The following CEP112 variants were observed in gnomAD, a reference collection of about 807,000 sequenced individuals.
The protein encoded by CEP112 is centrosomal protein of 112 kDa.
In CEP112, 127 loss-of-function variants were observed where a neutral mutation model predicts 153.0. The ratio of observed to expected loss-of-function variants is 0.83; its 90% confidence interval spans 0.72 to 0.96. CEP112 has a LOEUF of 0.96. Ranked by LOEUF, CEP112 falls within the 40% of genes least tolerant of loss-of-function variation. CEP112 has a pLI of 0.00. For missense variants in CEP112, 1,089 were observed against 1,101.2 expected, an observed-to-expected ratio of 0.99 and a Z score of 0.16; for synonymous variants, 358 against 374.4, an observed-to-expected ratio of 0.96 and a Z score of 0.51.
chr17:65,892,072 A>G (rs1322154105), intron 20 of CEP112, among the ~76,000 whole-genome samples: 1 of 152,214 alleles, frequency 6.6e-6, no homozygotes, highest in Middle Eastern at 3.2e-3. Context: ...AGAGCAGAGT[A>G]CTGGTCTATC....
At position 66,129,735 on chromosome 17, in the gene CEP112, CT is replaced by C. The variant is rs748907638; in HGVS notation, c.642+10del. ...CATCTATATATACATAAAGCAAATA[CT>C]TTTTTTTACCCCAAGATTCCAACTA... On this transcript the variant is annotated intron_variant, in intron 6 of 26. Coordinates refer to ENST00000535342, the MANE Select transcript of CEP112 (RefSeq NM_001199165.4). 7.0e-5 allele frequency: 110 copies of C among 1,579,048 alleles called. No homozygotes were observed. Among genetic ancestry groups the C allele is most frequent in the Middle Eastern group, 1.7e-4 (1 of 5,988 alleles).
At chr17:65,810,979 G>A (rs2055915128) in intron 21 of CEP112, among the ~76,000 whole-genome samples, 3 of 152,146 alleles carry the variant, frequency 2.0e-5, no homozygotes, top group South Asian at 2.1e-4. Context: ...CAGTGAAATC[G>A]AGGTCATCAT....
intron 24 of CEP112, among the ~76,000 whole-genome samples, chr17:65,687,442 AG>A (rs1305334195): frequency 6.6e-6 from 1 of 152,112 alleles, no homozygotes; most frequent in Non-Finnish European, 1.5e-5. Flanking sequence ...TTGGGATTAC[AG>A]GTGTGAGCCA....
chr17:66,058,181 C>A (rs1306036680), intron 11 of CEP112, among the ~76,000 whole-genome samples: 1 of 151,714 alleles, frequency 6.6e-6, no homozygotes, highest in Non-Finnish European at 1.5e-5. Context: ...ACTAATCCAG[C>A]AGAAAGAAAA....
intron 20 of CEP112, among the ~76,000 whole-genome samples, chr17:65,874,976 GTCT>G (rs1568151639): frequency 6.6e-6 from 1 of 151,894 alleles, no homozygotes; most frequent in Non-Finnish European, 1.5e-5. Flanking sequence ...ACTTATCCTT[GTCT>G]TCTTAACCCT....
intron 17 of CEP112, among the ~76,000 whole-genome samples, chr17:65,964,532 A>T (rs2062338270): frequency 6.6e-6 from 1 of 152,234 alleles, no homozygotes; most frequent in Non-Finnish European, 1.5e-5. Context: ...AGCACATGGG[A>T]ACAACATAAA....
intron 17 of CEP112, among the ~76,000 whole-genome samples, chr17:65,983,795 A>C (rs1362522093): frequency 1.3e-5 from 2 of 152,176 alleles, no homozygotes; most frequent in Admixed American, 6.5e-5. Context: ...ATGCAAAATG[A>C]AATAAAGGAA....
intron 9 of CEP112, among the ~76,000 whole-genome samples, chr17:66,068,238 G>C (rs1236240222): frequency 6.6e-6 from 1 of 152,080 alleles, no homozygotes; most frequent in African/African-American, 2.4e-5. Context: ...TTTTCTTATG[G>C]CTGGGGTATA....
chr17:66,168,834 C>A (rs955446569), intron 4 of CEP112, among the ~76,000 whole-genome samples: 3 of 152,070 alleles, frequency 2.0e-5, no homozygotes, highest in African/African-American at 7.2e-5. Flanking sequence ...CACTTTCTGT[C>A]CAATAGGGAA....
At chr17:66,035,713 T>C (rs901675424) in intron 12 of CEP112, among the ~76,000 whole-genome samples, 4 of 152,100 alleles carry the variant, frequency 2.6e-5, no homozygotes, top group Admixed American at 6.5e-5. Flanking sequence ...AAATGGTGAA[T>C]AGGAGATGGG....
At chr17:65,930,081 C>T (rs117003109) in intron 18 of CEP112, among the ~76,000 whole-genome samples, 2,724 of 152,272 alleles carry the variant, frequency 0.018, 48 homozygotes, top group South Asian at 0.042. Flanking sequence ...TACCAGCTAA[C>T]GTGGCAACCA....
intron 21 of CEP112, among the ~76,000 whole-genome samples, chr17:65,796,921 G>A (rs1463205152): frequency 6.6e-6 from 1 of 151,594 alleles, no homozygotes. Flanking sequence ...GGGCTTGGTG[G>A]TGCACACCTG....
intron 20 of CEP112, among the ~76,000 whole-genome samples, chr17:65,865,021 G>A (rs1358205812): frequency 6.6e-6 from 1 of 150,458 alleles, no homozygotes; most frequent in Non-Finnish European, 1.5e-5. Flanking sequence ...ACTTTATACA[G>A]GAAAGACTGT....
At chr17:65,790,157 G>A (rs577587956) in intron 21 of CEP112, among the ~76,000 whole-genome samples, 4 of 152,324 alleles carry the variant, frequency 2.6e-5, no homozygotes, top group Non-Finnish European at 5.9e-5. Context: ...TTGGAAGGCA[G>A]AGCTTCTAGA....
chr17:66,005,571 G>A (rs2064238651), intron 17 of CEP112, 119 bp downstream of exon 17: 1 of 1,230,228 alleles, frequency 8.1e-7, no homozygotes, highest in Non-Finnish European at 1.1e-6. Context: ...GGAAACTGAT[G>A]CAAACGAATC....
At chr17:66,117,903 G>A (rs893428499) in intron 6 of CEP112, among the ~76,000 whole-genome samples, 5 of 151,992 alleles carry the variant, frequency 3.3e-5, no homozygotes, top group Middle Eastern at 3.2e-3. Flanking sequence ...GCAGGTATAT[G>A]AAAAAAATAC....
chr17:65,653,943 C>T (rs536396486), intron 24 of CEP112, among the ~76,000 whole-genome samples: 7 of 150,836 alleles, frequency 4.6e-5, no homozygotes, highest in African/African-American at 1.7e-4. Context: ...CCTGTAGTCC[C>T]AGCTGCTTGG....
chr17:65,954,291 T>A (rs1186706110), intron 18 of CEP112, among the ~76,000 whole-genome samples: 2 of 152,134 alleles, frequency 1.3e-5, no homozygotes, highest in Non-Finnish European at 2.9e-5. Flanking sequence ...GCCTCATTCC[T>A]AGGGGAAGGG....
At chr17:66,029,458 A>C (rs2065368310) in intron 13 of CEP112, among the ~76,000 whole-genome samples, 1 of 152,164 alleles carries the variant, frequency 6.6e-6, no homozygotes, top group African/African-American at 2.4e-5. Context: ...GCACTTGAGG[A>C]GGCCAAGGCA....
Sources: allele counts gnomAD v4.1 joint callset (sites outside exome capture counted in the v4.1 genomes callset), GRCh38; gene constraint gnomAD v4.1.1; transcripts MANE v1.5; gene names NCBI Gene and HGNC (gene_info 2026-07-23, HGNC 2026-07-21).